ZNF69: variants seen among roughly 807,000 people sequenced by gnomAD.
ZNF69 encodes the protein ZNF3.
A neutral mutation model predicts 50.9 loss-of-function variants in ZNF69; 47 were observed. The observed-to-expected ratio is 0.92, with a 90% CI of 0.73 to 1.18. The LOEUF (loss-of-function observed/expected upper bound fraction) is 1.18. ZNF69 is among the 50% of genes most tolerant of loss of function. The pLI is 0.00. For synonymous variants in ZNF69, 216 were observed against 223.1 expected (o/e 0.97, Z 0.29); for missense variants, 717 against 675.1 (o/e 1.06, Z -0.69).
downstream of ZNF69, among the ~76,000 whole-genome samples, chr19:11,906,804 G>A (rs1972383456): frequency 2.6e-5 from 4 of 152,212 alleles, no homozygotes; most frequent in South Asian, 8.3e-4. Flanking sequence ...CGCCAGCAAT[G>A]GAACAAAGCT....
chr19:11,901,231 C>G (rs998248141), intron 1 of ZNF69, among the ~76,000 whole-genome samples: 2 of 152,094 alleles, frequency 1.3e-5, no homozygotes, highest in African/African-American at 2.4e-5. Context: ...CCTAGTGCCT[C>G]TCTTGTCATC....
the ZNF69 span, among the ~76,000 whole-genome samples, chr19:11,925,932 T>C: frequency 6.6e-6 from 1 of 151,924 alleles, no homozygotes; most frequent in Admixed American, 6.6e-5. Context: ...GCAGGGAAAA[T>C]GATGAATCAG....
the ZNF69 span, chr19:11,950,352 A>T: frequency 8.0e-7 from 1 of 1,251,114 alleles, no homozygotes; most frequent in Non-Finnish European, 1.1e-6. Flanking sequence ...GTTCTTTTCG[A>T]TATCATGAAA....
chr19:11,948,600 A>C, the ZNF69 span: 1 of 1,609,140 alleles, frequency 6.2e-7, no homozygotes, highest in Non-Finnish European at 8.5e-7. Context: ...CTGGAGAGAA[A>C]CCCTATGCTT....
In ZNF69 at chr19:11,905,369, G is replaced by A. The variant is rs762920399; in HGVS notation, c.972G>A (p.Arg324=). The A allele has an allele frequency of 4.8e-5, 77 of 1,613,984 alleles. No individual in the cohort carries two copies. The Middle Eastern group carries it at 8.2e-4, about 17-fold the overall frequency. Residue 324 remains arginine, a synonymous_variant, in exon 4 of 4, where the codon AGG becomes AGA. Transcript: ENST00000429654. ...CCCAGTATGTTCGTATACATGAAAG[G>A]ACCCACTCTAGGAAAAAACCCTATG... The part of the protein sequence containing the change: ...TCPQYVRIHE[R]THSRKKPYEC...
At chr19:11,904,491 T>A (rs1972318070) in intron 3 of ZNF69, among the ~76,000 whole-genome samples, 158 bp from the exon 4 acceptor site, 1 of 152,226 alleles carries the variant, frequency 6.6e-6, no homozygotes, top group African/African-American at 2.4e-5. Flanking sequence ...CTGGGTCACC[T>A]TGTACAATGG....
chr19:11,924,404 C>T, the ZNF69 span, among the ~76,000 whole-genome samples: 22 of 133,782 alleles, frequency 1.6e-4, no homozygotes, highest in Non-Finnish European at 3.2e-4. Flanking sequence ...TGCACTCCAG[C>T]CTGGGCTACA....
intron 4 of ZNF69, among the ~76,000 whole-genome samples, chr19:11,912,247 T>A (rs919693360): frequency 9.2e-5 from 14 of 152,092 alleles, no homozygotes; most frequent in South Asian, 4.1e-4. Context: ...TCTTTGCAAA[T>A]ACATGAAAGG....
At chr19:11,903,316 A>G (rs1453836951) in intron 1 of ZNF69, among the ~76,000 whole-genome samples, 2 of 152,138 alleles carry the variant, frequency 1.3e-5, no homozygotes, top group Admixed American at 1.3e-4. Context: ...TTAGCTACTC[A>G]GGCTGAGGAA....
downstream of ZNF69, among the ~76,000 whole-genome samples, chr19:11,907,010 C>T (rs560781700): frequency 1.1e-4 from 17 of 152,270 alleles, no homozygotes; most frequent in South Asian, 2.1e-4. Context: ...AAAACCATGG[C>T]ACGAGAACTA....
the ZNF69 span, chr19:11,978,583 G>T: frequency 1.2e-6 from 2 of 1,614,192 alleles, no homozygotes; most frequent in Non-Finnish European, 1.7e-6. Flanking sequence ...ATCCATGAAA[G>T]AACTCACACT....
At chr19:11,963,122 G>A in the ZNF69 span, among the ~76,000 whole-genome samples, 1 of 128,316 alleles carries the variant, frequency 7.8e-6, no homozygotes, top group Admixed American at 7.4e-5. Context: ...TGTGTGTTTT[G>A]AGACAGTGTC....
chr19:11,961,604 CA>C, the ZNF69 span: 1 of 143,132 alleles, frequency 7.0e-6, no homozygotes, highest in Non-Finnish European at 1.5e-5. Context: ...CAGCTAGGGA[CA>C]AAAAGGAAAC....
the ZNF69 span, among the ~76,000 whole-genome samples, chr19:11,952,729 G>A: frequency 1.3e-5 from 2 of 152,158 alleles, no homozygotes; most frequent in South Asian, 2.1e-4. Context: ...GTCATTGATT[G>A]TCAGATCACA....
chr19:11,949,828 A>T, the ZNF69 span: 3 of 1,612,774 alleles, frequency 1.9e-6, no homozygotes, highest in Non-Finnish European at 2.5e-6. Flanking sequence ...GAAAGCCTTC[A>T]GTTGTGCCTC....
the ZNF69 span, among the ~76,000 whole-genome samples, chr19:11,931,284 G>A: frequency 5.4e-5 from 8 of 147,880 alleles, no homozygotes; most frequent in African/African-American, 1.1e-4. Flanking sequence ...GCAAGGGCCC[G>A]CTTCCTGGTT....
chr19:11,948,809 C>T, the ZNF69 span: 10 of 1,609,146 alleles, frequency 6.2e-6, no homozygotes, highest in Admixed American at 1.0e-4. Context: ...TTTACTTATT[C>T]TGCTACCCTT....
chr19:11,976,767 G>A, the ZNF69 span: 1 of 756,260 alleles, frequency 1.3e-6, no homozygotes, highest in Non-Finnish European at 1.8e-6. Context: ...TCGGGAGGCT[G>A]AGGCAGGAGA....
chr19:11,978,766 G>A, the ZNF69 span: 9 of 1,613,840 alleles, frequency 5.6e-6, no homozygotes, highest in Non-Finnish European at 6.8e-6. Context: ...CACACTGGGG[G>A]AAAGCCATAT....
Sources: allele counts gnomAD v4.1 joint callset (sites outside exome capture counted in the v4.1 genomes callset), GRCh38; gene constraint gnomAD v4.1.1; transcripts MANE v1.5; gene names NCBI Gene and HGNC (gene_info 2026-07-23, HGNC 2026-07-21).